RBM23: variants seen among roughly 807,000 people sequenced by gnomAD.
RBM23 encodes probable RNA-binding protein 23.
RBM23 carries 53 observed loss-of-function variants against 56.2 expected under a neutral mutation model. That is an observed-to-expected ratio of 0.94 (90% confidence interval 0.76 to 1.19). The LOEUF is 1.19. Among genes scored for constraint, RBM23 ranks in the 50% most tolerant of loss-of-function variants. The probability of loss-of-function intolerance (pLI) is 0.00; values close to 1 mark genes in which losing one functional copy is unlikely to be tolerated. For missense variants in RBM23, 642 were observed against 590.3 expected (o/e 1.09, Z -0.91); for synonymous variants, 197 against 198.5 (o/e 0.99, Z 0.06).
chr14:22,899,021 T>C lies in RBM23; in HGVS notation c.*2709A>G, dbSNP rs1322838629. On this transcript the variant is annotated 3_prime_UTR_variant, in exon 14 of 14. Transcript: ENST00000359890. ...GATAAGATGGGGGAAGGGATGGGGG[T>C]GGTAACCAGGAGAACAGCAACATCA... 6.6e-6 allele frequency: 1 copy of C among 151,670 alleles called. No homozygotes were observed. Among genetic ancestry groups the C allele is most frequent in the Non-Finnish European group, 1.5e-5 (1 of 67,952 alleles). 9.4% of individuals were successfully genotyped at this position (151,670 alleles called of 1,614,324 possible). A position where few individuals can be genotyped will look rare whatever the true frequency, so the allele number is the denominator to read the frequency against.
chr14:22,907,429 A>G (rs2041763581), intron 4 of RBM23, among the ~76,000 whole-genome samples: 1 of 152,238 alleles, frequency 6.6e-6, no homozygotes, highest in Admixed American at 6.5e-5. Flanking sequence ...TACATTTCAA[A>G]ATAGCTAGTA....
At chr14:22,902,412 C>T (rs1369783852) in intron 10 of RBM23, 30 bp from the exon 11 acceptor site, 1 of 1,600,622 alleles carries the variant, frequency 6.2e-7, no homozygotes, top group Non-Finnish European at 8.5e-7. Context: ...TGTTAGTCAC[C>T]TACTCACCAA....
intron 2 of RBM23, among the ~76,000 whole-genome samples, chr14:22,910,323 GTGGCACATGCC>G (rs1285523309): frequency 6.7e-6 from 1 of 149,946 alleles, no homozygotes; most frequent in African/African-American, 2.5e-5. Flanking sequence ...GCCAGGGGTG[GTGGCACATGCC>G]TGTAATCCCA....
At chr14:22,918,576 T>TAGAG (rs1040273715) in intron 1 of RBM23, among the ~76,000 whole-genome samples, 3 of 152,140 alleles carry the variant, frequency 2.0e-5, no homozygotes, top group South Asian at 2.1e-4. Flanking sequence ...TTCGACAGAC[T>TAGAG]AGAGATTGAG....
rs571756884 is a variant in RBM23 at position 22,905,242 on chromosome 14, C to T, written c.578G>A (p.Arg193His). The change falls in exon 8 of 14, where the codon CGC (arginine) becomes CAC (histidine). Residue 193 changes from arginine to histidine, a missense_variant. Arg to His is a conservative substitution (Grantham distance 29, BLOSUM62 0). Coordinates refer to ENST00000359890, the MANE Select transcript of RBM23 (RefSeq NM_001077351.2). ...EDFFSAVGKV[R>H]DVRIISDRNS... ...CCGATCTGAGATGATACGTACATCG[C>T]GAACCTATCCAGGACGCAAAAGAAA... 131 of 1,614,060 alleles carry T rather than the reference C, an allele frequency of 8.1e-5. No individual in the cohort carries two copies. The East Asian group carries it at 8.9e-4, about 11-fold the overall frequency.
At position 22,908,380 on chromosome 14, in the gene RBM23, C is replaced by T; in HGVS notation, c.180G>A (p.Lys60=). The T allele has an allele frequency of 1.9e-6, 3 of 1,548,234 alleles. No individual in the cohort carries two copies. The highest frequency in any genetic ancestry group is 2.6e-6 in the Non-Finnish European group (3 of 1,146,698). Residue 60 remains lysine, a splice_region_variant and synonymous_variant, in exon 4 of 14, where the codon AAG becomes AAA. Transcript: ENST00000359890. ...SGSSTIGETS[K]KKRSRSHNKS... ...TATTATGGCTCCGACTCCTCTTCTT[C>T]CTGTGAAAGAGAGTACATTCTTCTT... is the stretch of plus-strand genomic sequence containing the variant.
intron 10 of RBM23, chr14:22,903,917 A>G: frequency 8.2e-7 from 1 of 1,219,298 alleles, no homozygotes; most frequent in South Asian, 1.6e-5. Flanking sequence ...CATCAATTCT[A>G]TAAAGCATGT....
chr14:22,907,123 G>A (rs966345543), intron 4 of RBM23, among the ~76,000 whole-genome samples: 1 of 150,832 alleles, frequency 6.6e-6, no homozygotes, highest in African/African-American at 2.4e-5. Flanking sequence ...GCAGTGAGCC[G>A]ACGTCGCGCC....
At chr14:22,911,216 A>G in intron 2 of RBM23, 112 bp downstream of exon 2, 1 of 862,492 alleles carries the variant, frequency 1.2e-6, no homozygotes, top group Non-Finnish European at 1.9e-6. Context: ...GTTATTCTAC[A>G]TAATAAATAA....
In RBM23 at chr14:22,902,280, C is replaced by T; in HGVS notation, c.1033G>A (p.Gly345Ser). ...TCAGGAAAAGTGATGTCTGTGCCAC[C>T]ATCCAGTCGCTCAGTCACATGGCCA... ...RVGHVTERLD[G>S]GTDITFPDGD... The change falls in exon 11 of 14, where the codon GGT (glycine) becomes AGT (serine). Residue 345 changes from glycine to serine, a missense_variant. Coordinates refer to ENST00000359890, the MANE Select transcript of RBM23 (RefSeq NM_001077351.2). The T allele has an allele frequency of 6.2e-7, 1 of 1,614,164 alleles. No individual in the cohort carries two copies. The highest frequency in any genetic ancestry group is 8.5e-7 in the Non-Finnish European group (1 of 1,180,022).
At chr14:22,910,496 T>TG (rs998340860) in intron 2 of RBM23, among the ~76,000 whole-genome samples, 9 of 68,996 alleles carry the variant, frequency 1.3e-4, no homozygotes, top group South Asian at 1.0e-3. Flanking sequence ...AAGAAAGCGG[T>TG]GGGGGGGAAA....
rs1333944489 is a variant in RBM23, at chr14:22,898,444, T to C, written c.*3286A>G. 1 of 152,058 alleles carries C rather than the reference T, an allele frequency of 6.6e-6. No homozygotes were observed. 9.4% of individuals were successfully genotyped at this position (152,058 alleles called of 1,614,324 possible). A position where few individuals can be genotyped will look rare whatever the true frequency, so the allele number is the denominator to read the frequency against. On this transcript the variant is annotated 3_prime_UTR_variant, in exon 14 of 14. Transcript: ENST00000359890. The stretch of plus-strand genomic sequence containing the variant: ...ATGTGCAGGTAGATGTTGAGGGAAG[T>C]TTCTTTTACCTTAAGCTGGGCCCAG...
At position 22,902,527 on chromosome 14, in the gene RBM23, G is replaced by C. The variant is rs144903630; in HGVS notation, c.931-145C>G. 1,736 of 1,397,582 alleles carry C rather than the reference G, an allele frequency of 1.2e-3. 57 individuals are homozygous for C. The Admixed American group carries it at 0.047, about 38-fold the overall frequency. The allele number at this position is 1,397,582 out of a possible 1,614,324, so 86.6% of individuals were successfully genotyped here. On this transcript the variant is annotated intron_variant, in intron 10 of 13. Transcript: ENST00000359890. ...TTTCTTTCCCAGAAAATATGACCTA[G>C]GCCCATCACCTCAAAATGGTTCTCT...
Position 22,904,237 on chromosome 14 carries a change from AAAATT to A in RBM23, c.930+19_930+23del. 1 of 1,614,114 alleles carries A rather than the reference AAAATT, an allele frequency of 6.2e-7. No individual in the cohort carries two copies. Among genetic ancestry groups the A allele is most frequent in the Non-Finnish European group, 8.5e-7 (1 of 1,180,024 alleles). ...GTGGACAAACCCAAAGTAAAATAAA[AAAATT>A]AAAAGACTAGAGACTCACCGTGATG... On this transcript the variant is annotated intron_variant, in intron 10 of 13. Coordinates refer to ENST00000359890, the MANE Select transcript of RBM23 (RefSeq NM_001077351.2).
chr14:22,911,317 G>T lies in RBM23; in HGVS notation c.66+11C>A. The T allele has an allele frequency of 1.9e-6, 3 of 1,612,470 alleles. No homozygotes were observed. The highest frequency in any genetic ancestry group is 1.1e-5 in the South Asian group (1 of 90,994). On this transcript the variant is annotated intron_variant, in intron 2 of 13. Transcript: ENST00000359890. ...TTAACCCAATTCCAGGAGTGAGGTGGAAAATATTACCTCTTCTTTTTTATA... is the reference window on the plus strand; with the variant it reads ...TTAACCCAATTCCAGGAGTGAGGTGTAAAATATTACCTCTTCTTTTTTATA...
At chr14:22,903,325 A>G (rs1044018433) in intron 10 of RBM23, 8 of 985,366 alleles carry the variant, frequency 8.1e-6, no homozygotes, top group Non-Finnish European at 9.6e-6. Context: ...TTGTTGACCC[A>G]AAAGGCAACA....
At chr14:22,913,431 A>AAAAAAT (rs1555346324) in intron 1 of RBM23, among the ~76,000 whole-genome samples, 1 of 147,246 alleles carries the variant, frequency 6.8e-6, no homozygotes, top group African/African-American at 2.5e-5. Context: ...AAAAAAAAAA[A>AAAAAAT]TTAAAAAAAA....
chr14:22,897,782 C>T lies in RBM23; in HGVS notation c.*3948G>A, dbSNP rs1302844580. 2 of 152,114 alleles carry T rather than the reference C, an allele frequency of 1.3e-5. No homozygotes were observed. Among genetic ancestry groups the T allele is most frequent in the Non-Finnish European group, 2.9e-5 (2 of 68,028 alleles). 9.4% of individuals were successfully genotyped at this position (152,114 alleles called of 1,614,324 possible). On this transcript the variant is annotated 3_prime_UTR_variant, in exon 14 of 14. Coordinates refer to ENST00000359890, the MANE Select transcript of RBM23 (RefSeq NM_001077351.2). ...AAGGTTAAGATCAAGGGATCTGAAG[C>T]GAGAGTACTTGGATTGGAATCCCTA...
intron 10 of RBM23, chr14:22,902,798 A>G: frequency 1.1e-6 from 1 of 922,962 alleles, no homozygotes; most frequent in Non-Finnish European, 1.2e-6. Flanking sequence ...ACGGAGTCCC[A>G]CTCTGTCACT....
Sources: allele counts gnomAD v4.1 joint callset (sites outside exome capture counted in the v4.1 genomes callset), GRCh38; gene constraint gnomAD v4.1.1; transcripts MANE v1.5; gene names NCBI Gene and HGNC (gene_info 2026-07-23, HGNC 2026-07-21).